Variants in SYNDIG1L observed in about 807,000 individuals in gnomAD.
SYNDIG1L encodes synapse differentiation-inducing gene protein 1-like.
SYNDIG1L carries 13 observed loss-of-function variants against 20.1 expected under a neutral mutation model. That is an observed-to-expected ratio of 0.65 (90% CI 0.42 to 1.03). The LOEUF is 1.03. Among genes scored for constraint, SYNDIG1L ranks in the 50% least tolerant of loss-of-function variants. SYNDIG1L has a pLI of 0.00. For synonymous variants in SYNDIG1L, 128 were observed against 129.3 expected, an observed-to-expected ratio of 0.99 and a Z score of 0.07; for missense variants, 294 against 305.1, an observed-to-expected ratio of 0.96 and a Z score of 0.27.
In SYNDIG1L at chr14:74,407,874, A is replaced by G; in HGVS notation, c.533T>C (p.Ile178Thr). ...CCCCTGGGAGAAGTAGAAGGCAGCA[A>G]TGCCCAGTGGCCAGAAGCAGCAGAG... Reference protein sequence around the residue: ...SMLCCFWPLGIAAFYFSQGTS... With the variant: ...SMLCCFWPLGTAAFYFSQGTS... The change falls in exon 3 of 4, where the codon ATT becomes ACT. Residue 178 changes from isoleucine to threonine, a missense_variant. Physicochemically the swap from Ile to Thr is moderately conservative, Grantham distance 89 (BLOSUM62 -1). Transcript: ENST00000331628. 6.2e-7 allele frequency: 1 copy of G among 1,613,772 alleles called. No individual in the cohort carries two copies. The highest frequency in any genetic ancestry group is 8.5e-7 in the Non-Finnish European group (1 of 1,179,774).
chr14:74,480,047 C>T, the SYNDIG1L span: 48 of 1,501,608 alleles, frequency 3.2e-5, 1 homozygote, highest in South Asian at 5.8e-4. Context: ...CATCTGCTAA[C>T]CAAGTGCTGC....
the SYNDIG1L span, among the ~76,000 whole-genome samples, chr14:74,453,477 G>A: frequency 6.6e-6 from 1 of 151,216 alleles, no homozygotes; most frequent in Non-Finnish European, 1.5e-5. Context: ...TTACAAAGGA[G>A]CATGAGGAAA....
chr14:74,422,234 C>A (rs1041545884), intron 1 of SYNDIG1L, among the ~76,000 whole-genome samples: 1 of 152,008 alleles, frequency 6.6e-6, no homozygotes, highest in African/African-American at 2.4e-5. Flanking sequence ...GGGGTGGGGG[C>A]AGCTGCAGGG....
chr14:74,430,185 G>A (rs1177211315), upstream of SYNDIG1L, among the ~76,000 whole-genome samples: 6 of 152,138 alleles, frequency 3.9e-5, no homozygotes, highest in South Asian at 2.1e-4. Flanking sequence ...TCCAGCCACC[G>A]CAGACTGCAC....
chr14:74,442,784 A>T, the SYNDIG1L span, among the ~76,000 whole-genome samples: 1 of 152,174 alleles, frequency 6.6e-6, no homozygotes, highest in Non-Finnish European at 1.5e-5. Context: ...TAGGAGATAA[A>T]ATTGACAGGA....
In SYNDIG1L at chr14:74,407,605, A is replaced by T; in HGVS notation, c.647T>A (p.Val216Glu). ...CACAGCCACGTAGAGACCGGCCCCCACGGCGATGGCGAGTGTGGCTAGGAA... is the reference window on the plus strand; with the variant it reads ...CACAGCCACGTAGAGACCGGCCCCCTCGGCGATGGCGAGTGTGGCTAGGAA... Reference protein sequence around the residue: ...ALFLATLAIAVGAGLYVAVVV... With the variant: ...ALFLATLAIAEGAGLYVAVVV... Residue 216 changes from valine to glutamate, a missense_variant, in exon 4 of 4, where the codon GTG (valine) becomes GAG (glutamate). Coordinates refer to ENST00000331628, the MANE Select transcript of SYNDIG1L (RefSeq NM_001105579.2). 4 of 1,614,106 alleles carry T rather than the reference A, an allele frequency of 2.5e-6. No homozygotes were observed. Among genetic ancestry groups the T allele is most frequent in the Non-Finnish European group, 3.4e-6 (4 of 1,179,976 alleles).
intron 1 of SYNDIG1L, among the ~76,000 whole-genome samples, chr14:74,412,431 T>G (rs2086139005): frequency 6.6e-6 from 1 of 152,136 alleles, no homozygotes; most frequent in South Asian, 2.1e-4. Flanking sequence ...CCACCCCCAT[T>G]AGCTTTTTGA....
the SYNDIG1L span, among the ~76,000 whole-genome samples, chr14:74,467,526 C>G: frequency 5.6e-4 from 85 of 152,286 alleles, no homozygotes; most frequent in African/African-American, 2.0e-3. Context: ...CAGACTTGGC[C>G]AAATGAAATT....
At chr14:74,455,478 C>T in the SYNDIG1L span, among the ~76,000 whole-genome samples, 1 of 151,534 alleles carries the variant, frequency 6.6e-6, no homozygotes, top group African/African-American at 2.4e-5. Context: ...TCACTGCAAC[C>T]TCCTCCTCCC....
At chr14:74,415,972 A>C (rs1425993253) in intron 1 of SYNDIG1L, among the ~76,000 whole-genome samples, 1 of 152,222 alleles carries the variant, frequency 6.6e-6, no homozygotes, top group Non-Finnish European at 1.5e-5. Context: ...CCAAAAAAAG[A>C]CAAAGATAGT....
intron 1 of SYNDIG1L, among the ~76,000 whole-genome samples, chr14:74,410,140 G>C (rs2086120211): frequency 6.6e-6 from 1 of 152,328 alleles, no homozygotes; most frequent in Non-Finnish European, 1.5e-5. Flanking sequence ...GCAGATGCCT[G>C]CTTTGTCTTC....
intron 1 of SYNDIG1L, among the ~76,000 whole-genome samples, chr14:74,415,696 C>G (rs148194228): frequency 5.7e-4 from 86 of 152,050 alleles, no homozygotes; most frequent in Admixed American, 5.5e-3. Flanking sequence ...TGTACCACCA[C>G]GCCCAGCTAT....
the SYNDIG1L span, chr14:74,474,470 C>T: frequency 3.3e-5 from 5 of 152,220 alleles, no homozygotes; most frequent in Non-Finnish European, 7.3e-5. Context: ...TTGCATAAGC[C>T]GGGTCTGCTT....
At chr14:74,429,953 C>T (rs2086291283), upstream of SYNDIG1L, among the ~76,000 whole-genome samples, 1 of 152,182 alleles carries the variant, frequency 6.6e-6, no homozygotes, top group Non-Finnish European at 1.5e-5. Context: ...ATTACCACAG[C>T]TGCTCACTTC....
intron 1 of SYNDIG1L, among the ~76,000 whole-genome samples, chr14:74,424,389 A>G (rs2086248921): frequency 6.6e-6 from 1 of 151,684 alleles, no homozygotes; most frequent in South Asian, 2.1e-4. Flanking sequence ...CTCATTTTAC[A>G]CCCGATTACC....
chr14:74,433,443 G>A, the SYNDIG1L span, among the ~76,000 whole-genome samples: 9 of 151,552 alleles, frequency 5.9e-5, no homozygotes, highest in South Asian at 2.1e-4. Flanking sequence ...GAGTGCAGTC[G>A]TGCAATCTTG....
At chr14:74,477,521 TAAAA>T in the SYNDIG1L span, among the ~76,000 whole-genome samples, 1 of 144,896 alleles carries the variant, frequency 6.9e-6, no homozygotes, top group Middle Eastern at 3.5e-3. Context: ...GACTTTGTGT[TAAAA>T]AAAAAAAAGA....
chr14:74,475,797 G>A, the SYNDIG1L span, among the ~76,000 whole-genome samples: 1 of 152,176 alleles, frequency 6.6e-6, no homozygotes, highest in South Asian at 2.1e-4. Flanking sequence ...CCTCTCTGGA[G>A]TTCAGAGATT....
chr14:74,427,563 G>A (rs1479076411), upstream of SYNDIG1L, among the ~76,000 whole-genome samples: 1 of 152,068 alleles, frequency 6.6e-6, no homozygotes, highest in Non-Finnish European at 1.5e-5. Flanking sequence ...CTTATCCTGG[G>A]GTCTGTCTCA....
Sources: gnomAD v4.1 joint callset for allele counts (sites outside exome capture counted in the v4.1 genomes callset) on GRCh38, gnomAD v4.1.1 for gene constraint, MANE v1.5 for transcripts, NCBI Gene and HGNC (gene_info 2026-07-23, HGNC 2026-07-21) for gene names.